The following TG variants were observed in gnomAD, a reference collection of about 807,000 sequenced individuals.
The protein encoded by TG is thyroglobulin.
Under a neutral mutation model 324.7 loss-of-function variants are expected in TG, and 270 were observed. That is an observed-to-expected ratio of 0.83 (90% CI 0.75 to 0.92). TG has a LOEUF of 0.92. Ranked by LOEUF, TG falls within the 40% of genes least tolerant of loss-of-function variation. TG has a pLI of 0.00. For synonymous variants in TG, 1,401 were observed against 1,327.0 expected (o/e 1.06, Z -1.21); for missense variants, 3,591 against 3,456.4 (o/e 1.04, Z -0.98).
chr8:133,029,669 A>T, intron 40 of TG, 152 bp from the exon 41 acceptor site: 1 of 896,266 alleles, frequency 1.1e-6, no homozygotes, highest in Non-Finnish European at 1.8e-6. Flanking sequence ...ACTGTTCCTC[A>T]CTGTATTTGG....
Position 132,908,218 on chromosome 8 carries a change from G to A in TG, c.3880G>A (p.Gly1294Arg). ...PQLWQTIQTQ[G>R]HFQLQLPPGK... ...GCTGTGGCAGACCATCCAGACCCAA[G>A]GGCACTTTCAGCTCCAGCTCCCGCC... is the stretch of plus-strand genomic sequence containing the variant. Residue 1294 changes from glycine to arginine, a missense_variant, in exon 18 of 48, where the codon GGG becomes AGG. Coordinates refer to ENST00000220616, the MANE Select transcript of TG (RefSeq NM_003235.5). 6.2e-7 allele frequency: 1 copy of A among 1,613,962 alleles called. No homozygotes were observed. The highest frequency in any genetic ancestry group is 8.5e-7 in the Non-Finnish European group (1 of 1,179,986).
rs920354818 is a variant in TG, at chr8:133,082,366, C to T, written c.7240-12678C>T. 2.6e-5 allele frequency among the ~76,000 whole-genome samples: 4 copies of T among 152,036 alleles called. No individual in the cohort carries two copies. In the East Asian group the frequency reaches 5.8e-4, roughly 22 times the overall value. Reference sequence around the variant, plus strand: ...TGGAAAGACGGAGGAAAAGAAGGGACGGAGGGCAGGAGAGACAGGGAGCAA... The same window carrying T: ...TGGAAAGACGGAGGAAAAGAAGGGATGGAGGGCAGGAGAGACAGGGAGCAA... On this transcript the variant is annotated intron_variant, in intron 41 of 47. Transcript: ENST00000220616.
At chr8:132,957,129 A>C (rs1339683218) in intron 27 of TG, among the ~76,000 whole-genome samples, 2 of 152,152 alleles carry the variant, frequency 1.3e-5, no homozygotes, top group African/African-American at 4.8e-5. Flanking sequence ...TTAACAATGA[A>C]GACCACCAAG....
At chr8:133,052,723 T>TAAG (rs1840645059) in intron 41 of TG, among the ~76,000 whole-genome samples, 1 of 152,180 alleles carries the variant, frequency 6.6e-6, no homozygotes, top group Non-Finnish European at 1.5e-5. Context: ...CAGTCCTCTT[T>TAAG]AAGAAAAAAA....
chr8:133,095,013 C>T lies in TG; in HGVS notation c.7240-31C>T, dbSNP rs771077545. 21 of 1,612,388 alleles carry T rather than the reference C, an allele frequency of 1.3e-5. No homozygotes were observed. The East Asian group carries it at 2.5e-4, about 19-fold the overall frequency. On this transcript the variant is annotated intron_variant, in intron 41 of 47. Coordinates refer to ENST00000220616, the MANE Select transcript of TG (RefSeq NM_003235.5). ...GAGCAGGGGCTGAAGATGATCTGAA[C>T]CATCTGCCCTGAGCCTGCTTTCTCT...
chr8:133,029,887 C>T lies in TG; in HGVS notation c.7103C>T (p.Thr2368Ile), dbSNP rs766646972. 8.7e-6 allele frequency: 14 copies of T among 1,614,080 alleles called. No individual in the cohort carries two copies. The highest frequency in any genetic ancestry group is 1.2e-5 in the Non-Finnish European group (14 of 1,180,046). Reference sequence around the variant, plus strand: ...GTGGCGGCTCTGACCTGGGTGCAGACCCACATCCGAGGATTTGGCGGGGAC... The same window carrying T: ...GTGGCGGCTCTGACCTGGGTGCAGATCCACATCCGAGGATTTGGCGGGGAC... ...DQVAALTWVQ[T>I]HIRGFGGDPR... Residue 2368 changes from threonine to isoleucine, a missense_variant, in exon 41 of 48, where the codon ACC (threonine) becomes ATC (isoleucine). Physicochemically the swap from Thr to Ile is moderately conservative, Grantham distance 89. Transcript: ENST00000220616.
intron 41 of TG, chr8:133,037,228 A>C (rs958830900): frequency 6.6e-6 from 1 of 152,174 alleles, no homozygotes; most frequent in African/African-American, 2.4e-5. Context: ...CTCTCTTCCT[A>C]GTAGGATTTG....
At chr8:132,933,764 G>A (rs1389946189) in intron 24 of TG, 88 bp downstream of exon 24, 27 of 1,208,126 alleles carry the variant, frequency 2.2e-5, no homozygotes, top group Admixed American at 8.4e-5. Flanking sequence ...CTGGCCAGGC[G>A]ATGGAATGAG....
chr8:132,993,539 G>A lies in TG; in HGVS notation c.6262+10127G>A, dbSNP rs867982768. 3.9e-5 allele frequency among the ~76,000 whole-genome samples: 6 copies of A among 152,340 alleles called. 1 individual carries two copies. The South Asian group carries it at 1.2e-3, about 32-fold the overall frequency. ...AGGTTGGCAGTGGTGGCATGGCTGG[G>A]TTAGGTCATGCACTACCAGTTCTAA... On this transcript the variant is annotated intron_variant, in intron 35 of 47. Transcript: ENST00000220616.
intron 41 of TG, chr8:133,059,288 T>G (rs980835236): frequency 5.4e-6 from 2 of 370,710 alleles, no homozygotes; most frequent in Admixed American, 3.4e-5. Context: ...AACCGTCCCT[T>G]TCCCAAGACC....
chr8:133,011,930 C>T lies in TG; in HGVS notation c.6292C>T (p.Leu2098Phe). 6.2e-7 allele frequency: 1 copy of T among 1,614,198 alleles called. No individual in the cohort carries two copies. The highest frequency in any genetic ancestry group is 8.5e-7 in the Non-Finnish European group (1 of 1,180,038). Reference protein sequence around the residue: ...VSLDSWQSLALSSVVVDPSIR... With the variant: ...VSLDSWQSLAFSSVVVDPSIR... ...TCTGGACTCGTGGCAGTCCCTGGCC[C>T]TCTCTTCAGTGGTTGTTGATCCATC... The change falls in exon 36 of 48, where the codon CTC becomes TTC. Residue 2098 changes from leucine (L) to phenylalanine (F), a missense_variant. Coordinates refer to ENST00000220616, the MANE Select transcript of TG (RefSeq NM_003235.5).
At chr8:132,871,996 G>A (rs1392208008) in intron 4 of TG, among the ~76,000 whole-genome samples, 1 of 152,094 alleles carries the variant, frequency 6.6e-6, no homozygotes, top group Non-Finnish European at 1.5e-5. Context: ...AGGCTAATGT[G>A]TGTGTGTATC....
At position 132,967,977 on chromosome 8, in the gene TG, A is replaced by C; in HGVS notation, c.5863+7A>C. 6.2e-7 allele frequency: 1 copy of C among 1,612,992 alleles called. No individual in the cohort carries two copies. The highest frequency in any genetic ancestry group is 2.2e-5 in the East Asian group (1 of 44,858). On this transcript the variant is annotated splice_region_variant and intron_variant, in intron 31 of 47. Coordinates refer to ENST00000220616, the MANE Select transcript of TG (RefSeq NM_003235.5). ...GCCCTGTTCCGGAAGAAAGGTGAGC[A>C]CTTGGAGAGATCTGCATAAACTGTA...
In TG at chr8:132,963,143, G is replaced by C. The variant is rs556747603; in HGVS notation, c.5548+69G>C. The C allele has an allele frequency of 8.0e-5, 113 of 1,413,290 alleles. No homozygotes were observed. In the Middle Eastern group the frequency reaches 1.4e-3, roughly 18 times the overall value. The allele number at this position is 1,413,290 out of a possible 1,614,324, so 87.5% of individuals were successfully genotyped here. On this transcript the variant is annotated intron_variant, in intron 29 of 47. Transcript: ENST00000220616. ...CAGAGACTAAATGGGTGCACCAAGA[G>C]TTTAATCAATGAACGGACGTATTGA...
chr8:133,060,228 G>A, intron 41 of TG: 2 of 1,613,054 alleles, frequency 1.2e-6, no homozygotes, highest in Non-Finnish European at 1.7e-6. Context: ...GACGGGGAAA[G>A]TCAACCGTGC....
chr8:132,899,529 G>A (rs972157865), intron 14 of TG, among the ~76,000 whole-genome samples: 9 of 152,250 alleles, frequency 5.9e-5, no homozygotes, highest in Non-Finnish European at 1.2e-4. Context: ...TGAAACAGCA[G>A]TGTTGAAACT....
In TG at chr8:133,019,658, ATTGT is replaced by A. The variant is rs774153375; in HGVS notation, c.6844_6847del (p.Leu2282IlefsTer61). On this transcript the variant is annotated frameshift_variant, in exon 39 of 48. Coordinates refer to ENST00000220616, the MANE Select transcript of TG (RefSeq NM_003235.5). LOFTEE classifies it high-confidence loss of function. The stretch of plus-strand genomic sequence containing the variant: ...TCCACGTCTCCTGGAGTCAGTGAAG[ATTGT>A]TTGTATCTCAATGTGTTCATCCCTC... 2 of 1,613,674 alleles carry A rather than the reference ATTGT, an allele frequency of 1.2e-6. No individual in the cohort carries two copies. Among genetic ancestry groups the A allele is most frequent in the Admixed American group, 1.7e-5 (1 of 60,004 alleles).
At chr8:132,935,925 C>A (rs1823517083) in intron 25 of TG, 61 bp downstream of exon 25, 4 of 1,380,024 alleles carry the variant, frequency 2.9e-6, no homozygotes, top group Non-Finnish European at 4.1e-6. Flanking sequence ...ATGTTTGGAG[C>A]TGGTTTCCAG....
chr8:133,018,501 AT>A (rs1835264161), intron 38 of TG, among the ~76,000 whole-genome samples: 1 of 149,506 alleles, frequency 6.7e-6, no homozygotes, highest in Non-Finnish European at 1.5e-5. Context: ...AGCTAATGAA[AT>A]TTTTCCCACT....
Sources: gnomAD v4.1 joint callset for allele counts (sites outside exome capture counted in the v4.1 genomes callset) on GRCh38, gnomAD v4.1.1 for gene constraint, MANE v1.5 for transcripts, NCBI Gene and HGNC (gene_info 2026-07-23, HGNC 2026-07-21) for gene names.